Variants in PKN2 observed in about 807,000 individuals in gnomAD.
PKN2 encodes serine/threonine-protein kinase N2.
In PKN2, 38 loss-of-function variants were observed where a neutral mutation model predicts 119.1. The observed-to-expected ratio is 0.32, with a 90% CI of 0.25 to 0.42. PKN2 has a LOEUF of 0.42. PKN2 is among the 10% of genes least tolerant of loss of function. The pLI, the probability that PKN2 is intolerant of heterozygous loss-of-function variation, is 1.00. For missense variants in PKN2, 850 were observed against 1,165.1 expected (o/e 0.73, Z 3.94); for synonymous variants, 390 against 384.9 (o/e 1.01, Z -0.15).
At chr1:88,783,696 A>G (rs1543520) in intron 6 of PKN2, among the ~76,000 whole-genome samples, 6,061 of 152,322 alleles carry the variant, frequency 0.04, 280 homozygotes, top group African/African-American at 0.1. Context: ...AAATTCTAGT[A>G]TACTGTGTCT....
intron 10 of PKN2, 98 bp from the exon 11 acceptor site, chr1:88,805,399 C>T (rs1444457425): frequency 1.1e-5 from 12 of 1,092,304 alleles, no homozygotes; most frequent in Middle Eastern, 3.1e-4. Flanking sequence ...GTTTGTTCTT[C>T]GTAGATTATA....
In PKN2 at chr1:88,684,569, T is replaced by A. The variant is rs1665992301; in HGVS notation, c.-12T>A. On this transcript the variant is annotated 5_prime_UTR_variant, in exon 1 of 22. Coordinates refer to ENST00000370521, the MANE Select transcript of PKN2 (RefSeq NM_006256.4). ...CGGCCGCGTCCAGGTGCGGAGTCCATACCGGAGCGCAATGGCGTCCAACCC... is the reference window on the plus strand; with the variant it reads ...CGGCCGCGTCCAGGTGCGGAGTCCAAACCGGAGCGCAATGGCGTCCAACCC... 6.7e-7 allele frequency: 1 copy of A among 1,488,946 alleles called. No individual in the cohort carries two copies. Among genetic ancestry groups the A allele is most frequent in the Middle Eastern group, 1.8e-4 (1 of 5,566 alleles). The allele number at this position is 1,488,946 out of a possible 1,614,324, so 92.2% of individuals were successfully genotyped here.
rs139709439 is a variant in PKN2, at chr1:88,745,095, G to A, written c.349+3807G>A. Among the ~76,000 whole-genome samples, 98 of 152,210 alleles carry A rather than the reference G, an allele frequency of 6.4e-4. 1 individual carries two copies. The East Asian group carries it at 0.016, about 26-fold the overall frequency. On this transcript the variant is annotated intron_variant, in intron 2 of 21. Transcript: ENST00000370521. ...GATAAAAATTCTATGAACAAATTAG[G>A]TATAGAAGAAATGTTTCTCAACACA...
At chr1:88,793,912 T>G (rs1193048800) in intron 8 of PKN2, among the ~76,000 whole-genome samples, 2 of 152,210 alleles carry the variant, frequency 1.3e-5, no homozygotes, top group African/African-American at 2.4e-5. Context: ...GTGGTTGGTT[T>G]AATCCACAGA....
At chr1:88,742,818 C>A (rs1040009393) in intron 2 of PKN2, among the ~76,000 whole-genome samples, 3 of 152,044 alleles carry the variant, frequency 2.0e-5, no homozygotes, top group Non-Finnish European at 4.4e-5. Context: ...CTGATAACTA[C>A]CTTGTGATTC....
chr1:88,756,093 G>A (rs1197164661), intron 2 of PKN2, among the ~76,000 whole-genome samples: 1 of 151,874 alleles, frequency 6.6e-6, no homozygotes, highest in Non-Finnish European at 1.5e-5. Flanking sequence ...TGTATTTTTA[G>A]TAGAGACGGG....
Position 88,829,030 on chromosome 1 carries a change from C to T in PKN2, c.2562+407C>T, listed in dbSNP as rs138799277. On this transcript the variant is annotated intron_variant, in intron 19 of 21. Transcript: ENST00000370521. Reference sequence around the variant, plus strand: ...TCCAGACTTCCGTCTGAGCAACACACTCTGCATCCTTGCTTCACCGGGAAA... The same window carrying T: ...TCCAGACTTCCGTCTGAGCAACACATTCTGCATCCTTGCTTCACCGGGAAA... 2.7e-3 allele frequency: 1,729 copies of T among 644,758 alleles called. 12 individuals are homozygous for T. The highest frequency in any genetic ancestry group is 0.02 in the African/African-American group (1,126 of 55,636). 39.9% of individuals were successfully genotyped at this position (644,758 alleles called of 1,614,324 possible). A position where few individuals can be genotyped will look rare whatever the true frequency, so the allele number is the denominator to read the frequency against.
intron 1 of PKN2, among the ~76,000 whole-genome samples, chr1:88,729,896 A>T (rs1267036324): frequency 6.6e-6 from 1 of 152,044 alleles, no homozygotes; most frequent in Non-Finnish European, 1.5e-5. Context: ...TTTCCATTTC[A>T]TTCAAAGTAA....
intron 1 of PKN2, among the ~76,000 whole-genome samples, chr1:88,724,900 T>C (rs1327698416): frequency 6.9e-6 from 1 of 145,268 alleles, no homozygotes; most frequent in Non-Finnish European, 1.5e-5. Flanking sequence ...TTTTTTTTTT[T>C]TTCCTTCTTT....
intron 16 of PKN2, among the ~76,000 whole-genome samples, chr1:88,818,610 T>C (rs1672113234): frequency 6.8e-6 from 1 of 146,182 alleles, no homozygotes; most frequent in Non-Finnish European, 1.5e-5. Flanking sequence ...ACTGTGCCAC[T>C]GCACTCCAGC....
chr1:88,811,713 C>T lies in PKN2; in HGVS notation c.2103-1844C>T, dbSNP rs146474764. Among the ~76,000 whole-genome samples the T allele has an allele frequency of 2.8e-4, 43 of 152,294 alleles. No individual in the cohort carries two copies. In the East Asian group the frequency reaches 8.1e-3, roughly 29 times the overall value. The stretch of plus-strand genomic sequence containing the variant: ...TTACCTACAACACTCAAACTATTAG[C>T]AAGTCTGGTCAACTTCACCTCTAGG... On this transcript the variant is annotated intron_variant, in intron 15 of 21. Coordinates refer to ENST00000370521, the MANE Select transcript of PKN2 (RefSeq NM_006256.4).
At chr1:88,778,908 G>T (rs895788194) in intron 6 of PKN2, among the ~76,000 whole-genome samples, 2 of 151,914 alleles carry the variant, frequency 1.3e-5, no homozygotes, top group Non-Finnish European at 2.9e-5. Flanking sequence ...AGAGACGGGG[G>T]TGGGGGCGGT....
At chr1:88,769,148 G>A (rs1392652628) in intron 3 of PKN2, among the ~76,000 whole-genome samples, 2 of 152,252 alleles carry the variant, frequency 1.3e-5, no homozygotes, top group East Asian at 3.9e-4. Flanking sequence ...GAGATTTAGA[G>A]GGACAAACAT....
chr1:88,756,999 A>T (rs924437801), intron 2 of PKN2, among the ~76,000 whole-genome samples: 4 of 152,084 alleles, frequency 2.6e-5, no homozygotes, highest in African/African-American at 9.7e-5. Context: ...CAAAACTGAG[A>T]CTCAAACCTG....
chr1:88,830,402 A>G (rs1358850737), intron 19 of PKN2, among the ~76,000 whole-genome samples: 3 of 152,116 alleles, frequency 2.0e-5, no homozygotes, highest in Non-Finnish European at 4.4e-5. Context: ...AGTTCTCATA[A>G]AATAGTTAAT....
intron 7 of PKN2, among the ~76,000 whole-genome samples, chr1:88,785,188 T>G (rs1460081985): frequency 2.0e-5 from 3 of 152,174 alleles, no homozygotes; most frequent in Non-Finnish European, 2.9e-5. Flanking sequence ...TTGCCCAGGC[T>G]GGGTGCAGTG....
At chr1:88,790,990 A>C (rs1670810222) in intron 8 of PKN2, among the ~76,000 whole-genome samples, 1 of 152,128 alleles carries the variant, frequency 6.6e-6, no homozygotes, top group African/African-American at 2.4e-5. Flanking sequence ...CCATCTCTTA[A>C]AACTGAGAAT....
intron 3 of PKN2, among the ~76,000 whole-genome samples, chr1:88,761,008 A>G (rs868758428): frequency 1.3e-5 from 2 of 152,172 alleles, no homozygotes; most frequent in Admixed American, 6.5e-5. Context: ...GAGAGGGCCA[A>G]TGAAAAGATG....
chr1:88,691,043 T>C (rs1455519836), intron 1 of PKN2, among the ~76,000 whole-genome samples: 2 of 152,120 alleles, frequency 1.3e-5, no homozygotes, highest in East Asian at 3.9e-4. Flanking sequence ...ATACATGTGC[T>C]GAGAGTTTTT....
Sources: allele counts gnomAD v4.1 joint callset (sites outside exome capture counted in the v4.1 genomes callset), GRCh38; gene constraint gnomAD v4.1.1; transcripts MANE v1.5; gene names NCBI Gene and HGNC (gene_info 2026-07-23, HGNC 2026-07-21).